The following PDIA6 variants were observed in gnomAD, a reference collection of about 807,000 sequenced individuals.
PDIA6 encodes the protein protein disulfide isomerase family A member 6, also known as protein disulfide-isomerase A6.
In PDIA6, 29 loss-of-function variants were observed where a neutral mutation model predicts 58.4. That is an observed-to-expected ratio of 0.50 (90% CI 0.37 to 0.68). The LOEUF (loss-of-function observed/expected upper bound fraction) is 0.68. Among genes scored for constraint, PDIA6 ranks in the 30% least tolerant of loss-of-function variants. The pLI is 0.00. For missense variants in PDIA6, 480 were observed against 551.0 expected (o/e 0.87, Z 1.29); for synonymous variants, 192 against 202.6 (o/e 0.95, Z 0.44).
chr2:10,798,565 C>T (rs375502975), intron 2 of PDIA6, among the ~76,000 whole-genome samples: 3 of 85,122 alleles, frequency 3.5e-5, no homozygotes, highest in South Asian at 4.7e-4. Flanking sequence ...AAGACTCTGT[C>T]CCCCACCCAA....
At chr2:10,810,753 TA>T (rs1295504932) in intron 1 of PDIA6, among the ~76,000 whole-genome samples, 1 of 152,036 alleles carries the variant, frequency 6.6e-6, no homozygotes, top group East Asian at 1.9e-4. Flanking sequence ...TGCATAAAAG[TA>T]GCCAACAACT....
intron 2 of PDIA6, among the ~76,000 whole-genome samples, chr2:10,800,475 C>G (rs72779425): frequency 0.14 from 21,704 of 152,022 alleles, 1,992 homozygotes; most frequent in Non-Finnish European, 0.21. Flanking sequence ...TTGTAAAGTA[C>G]TACATTAACA....
intron 1 of PDIA6, among the ~76,000 whole-genome samples, chr2:10,831,926 G>A (rs1558467392): frequency 6.7e-6 from 1 of 149,634 alleles, no homozygotes; most frequent in Non-Finnish European, 1.5e-5. Context: ...TCTGCTGGGC[G>A]CTGAGGGCAG....
chr2:10,801,036 T>G (rs997904959), intron 2 of PDIA6, among the ~76,000 whole-genome samples: 1 of 152,268 alleles, frequency 6.6e-6, no homozygotes, highest in African/African-American at 2.4e-5. Flanking sequence ...CCCAGCACTT[T>G]GCGAGGCCGA....
chr2:10,812,701 A>T lies in PDIA6; in HGVS notation c.-5T>A, dbSNP rs1667059432. ...ACCGAGCACCAGGAGAGCCATGCCG[A>T]GCGCCGGGCTACGTGCAGTCCCCAC... On this transcript the variant is annotated 5_prime_UTR_variant, in exon 1 of 13. Coordinates refer to ENST00000272227, the MANE Select transcript of PDIA6 (RefSeq NM_005742.4). 2.0e-6 allele frequency: 3 copies of T among 1,528,130 alleles called. No homozygotes were observed. The highest frequency in any genetic ancestry group is 2.6e-6 in the Non-Finnish European group (3 of 1,140,486). The allele number at this position is 1,528,130 out of a possible 1,614,324, so 94.7% of individuals were successfully genotyped here.
intron 7 of PDIA6, 112 bp from the exon 8 acceptor site, chr2:10,790,001 A>G (rs1006082166): frequency 2.6e-6 from 2 of 779,586 alleles, no homozygotes; most frequent in Non-Finnish European, 4.0e-6. Context: ...TTTTTTTTGA[A>G]GCAGTCTCAC....
chr2:10,818,380 C>A (rs1044455448), intron 2 of PDIA6, among the ~76,000 whole-genome samples: 2 of 151,892 alleles, frequency 1.3e-5, no homozygotes, highest in African/African-American at 4.8e-5. Flanking sequence ...TTTGCCCAGG[C>A]TGGTCTCAAC....
At chr2:10,797,311 C>T in intron 3 of PDIA6, 104 bp from the exon 4 acceptor site, 1 of 1,184,020 alleles carries the variant, frequency 8.4e-7, no homozygotes, top group South Asian at 1.5e-5. Context: ...TAATAAAGCA[C>T]AGGGTGCAGT....
At chr2:10,789,980 ATTTT>A (rs199881762) in intron 7 of PDIA6, 91 bp from the exon 8 acceptor site, 212,571 of 820,636 alleles carry the variant, frequency 0.26, 10,929 homozygotes, top group Middle Eastern at 0.32. Context: ...CTTATAGGTA[ATTTT>A]TTTTTTTTTT....
intron 1 of PDIA6, among the ~76,000 whole-genome samples, chr2:10,826,639 C>T (rs913123719): frequency 5.3e-5 from 8 of 152,044 alleles, no homozygotes; most frequent in East Asian, 1.9e-4. Context: ...GGATTACAGG[C>T]GTGAGCCGCT....
intron 10 of PDIA6, 74 bp from the exon 11 acceptor site, chr2:10,787,513 G>T: frequency 7.6e-7 from 1 of 1,315,062 alleles, no homozygotes; most frequent in Non-Finnish European, 1.0e-6. Context: ...AGATCTTAGA[G>T]AACAAAAGAT....
At chr2:10,784,751 T>C (rs1288167677) in intron 12 of PDIA6, 183 bp downstream of exon 12, 4 of 572,058 alleles carry the variant, frequency 7.0e-6, no homozygotes, top group Non-Finnish European at 1.2e-5. Flanking sequence ...TCAAATGCCA[T>C]GCAGCACTTA....
chr2:10,797,786 C>G, intron 2 of PDIA6, 29 bp from the exon 3 acceptor site: 1 of 1,563,818 alleles, frequency 6.4e-7, no homozygotes. Flanking sequence ...ACAAAGCAAC[C>G]ATTAAAGCCT....
intron 2 of PDIA6, among the ~76,000 whole-genome samples, chr2:10,799,007 C>T (rs1268727708): frequency 6.6e-6 from 1 of 151,252 alleles, no homozygotes; most frequent in Non-Finnish European, 1.5e-5. Context: ...GAGTGAATGA[C>T]TGAGGTGGGG....
In PDIA6 at chr2:10,800,283, C is replaced by T. The variant is rs116723190; in HGVS notation, c.161+2216G>A. On this transcript the variant is annotated intron_variant, in intron 2 of 12. Coordinates refer to ENST00000272227, the MANE Select transcript of PDIA6 (RefSeq NM_005742.4). ...GTTCCAAAATCCAAAACTTTCTGAGCGACAACATGACACTCACAGGAAACA... is the reference window on the plus strand; with the variant it reads ...GTTCCAAAATCCAAAACTTTCTGAGTGACAACATGACACTCACAGGAAACA... Among the ~76,000 whole-genome samples, 375 of 152,232 alleles carry T rather than the reference C, an allele frequency of 2.5e-3. 3 individuals are homozygous for T. The highest frequency in any genetic ancestry group is 8.0e-3 in the African/African-American group (334 of 41,560).
intron 2 of PDIA6, among the ~76,000 whole-genome samples, chr2:10,799,291 C>A (rs1666403577): frequency 6.6e-6 from 1 of 152,170 alleles, no homozygotes; most frequent in Non-Finnish European, 1.5e-5. Context: ...AAAGTAAATT[C>A]TCTTCTAATT....
intron 1 of PDIA6, among the ~76,000 whole-genome samples, chr2:10,809,655 A>AAAC (rs1666916994): frequency 6.7e-6 from 1 of 149,420 alleles, no homozygotes; most frequent in Non-Finnish European, 1.5e-5. Flanking sequence ...CAAAAAAAAA[A>AAAC]AAAAAAAAAA....
chr2:10,822,254 T>A (rs1009711535), intron 1 of PDIA6, among the ~76,000 whole-genome samples: 1 of 151,622 alleles, frequency 6.6e-6, no homozygotes, highest in East Asian at 1.9e-4. Context: ...TGATTTTTAT[T>A]TATTTATTTA....
At chr2:10,827,836 ATT>A (rs149720114) in intron 1 of PDIA6, among the ~76,000 whole-genome samples, 21,155 of 149,464 alleles carry the variant, frequency 0.14, 2,092 homozygotes, top group African/African-American at 0.26. Context: ...AAAAAAAAAA[ATT>A]TTTTTTTTCT....
Sources: gnomAD v4.1 joint callset for allele counts (sites outside exome capture counted in the v4.1 genomes callset) on GRCh38, gnomAD v4.1.1 for gene constraint, MANE v1.5 for transcripts, NCBI Gene and HGNC (gene_info 2026-07-23, HGNC 2026-07-21) for gene names.